EYA1: variants seen among roughly 807,000 people sequenced by gnomAD.
EYA1 encodes EYA transcriptional coactivator and phosphatase 1.
In EYA1, 16 loss-of-function variants were observed where a neutral mutation model predicts 82.0. That is an observed-to-expected ratio of 0.20 (90% confidence interval 0.13 to 0.30). EYA1 has a LOEUF of 0.30. Among genes scored for constraint, EYA1 ranks in the 10% least tolerant of loss-of-function variants. EYA1 has a pLI of 1.00. For synonymous variants in EYA1, 261 were observed against 264.4 expected (o/e 0.99, Z 0.12); for missense variants, 633 against 730.7 (o/e 0.87, Z 1.54).
At chr8:71,364,983 T>TATAC (rs1563538566), upstream of EYA1, among the ~76,000 whole-genome samples, 2 of 87,834 alleles carry the variant, frequency 2.3e-5, no homozygotes, top group African/African-American at 4.3e-5. Flanking sequence ...TATATATATA[T>TATAC]ATACATATAC....
chr8:71,312,051 G>A (rs1016057312), intron 7 of EYA1, among the ~76,000 whole-genome samples: 3 of 152,188 alleles, frequency 2.0e-5, no homozygotes, highest in African/African-American at 4.8e-5. Context: ...CAAAATGGCC[G>A]TAAATTGCCA....
intron 2 of EYA1, among the ~76,000 whole-genome samples, chr8:71,367,443 AG>A (rs1428310191): frequency 6.6e-6 from 1 of 152,134 alleles, no homozygotes; most frequent in African/African-American, 2.4e-5. Context: ...ATTACTACAA[AG>A]GAATTGCCAG....
At chr8:71,532,468 G>A (rs1223891116) in intron 2 of EYA1, among the ~76,000 whole-genome samples, 1 of 152,176 alleles carries the variant, frequency 6.6e-6, no homozygotes, top group East Asian at 1.9e-4. Flanking sequence ...ATGTATCTAT[G>A]TAGTAGAGAA....
chr8:71,438,881 T>A (rs1030566565), intron 2 of EYA1, among the ~76,000 whole-genome samples: 4 of 152,174 alleles, frequency 2.6e-5, no homozygotes, highest in African/African-American at 9.7e-5. Flanking sequence ...AATGTCTTTG[T>A]GGATCTGACA....
At chr8:71,546,598 T>G (rs1199268713) in intron 1 of EYA1, among the ~76,000 whole-genome samples, 1 of 151,568 alleles carries the variant, frequency 6.6e-6, no homozygotes, top group Non-Finnish European at 1.5e-5. Context: ...ACCTCCCTGG[T>G]TCAGACAATT....
chr8:71,219,585 T>C (rs1809631084), intron 12 of EYA1, among the ~76,000 whole-genome samples: 1 of 152,208 alleles, frequency 6.6e-6, no homozygotes, highest in Admixed American at 6.5e-5. Flanking sequence ...AACTTACAAA[T>C]AATGACATAA....
chr8:71,489,570 C>T (rs1350341526), intron 2 of EYA1, among the ~76,000 whole-genome samples: 1 of 152,194 alleles, frequency 6.6e-6, no homozygotes, highest in Non-Finnish European at 1.5e-5. Context: ...TTGGGCCTGG[C>T]CCATGTATGT....
chr8:71,220,373 G>A (rs1019800299), intron 12 of EYA1, among the ~76,000 whole-genome samples: 25 of 152,102 alleles, frequency 1.6e-4, no homozygotes, highest in African/African-American at 5.6e-4. Flanking sequence ...TATTTTATGC[G>A]CTAATCTGTA....
chr8:71,535,820 T>A, exon 2 of EYA1: 1 of 1,375,540 alleles, frequency 7.3e-7, no homozygotes, highest in Non-Finnish European at 9.8e-7. Context: ...AGCTACACAC[T>A]TCTTCAAAGG....
intron 11 of EYA1, among the ~76,000 whole-genome samples, chr8:71,250,606 G>C (rs1381264015): frequency 6.6e-6 from 1 of 152,104 alleles, no homozygotes; most frequent in Non-Finnish European, 1.5e-5. Context: ...TCAAAAAGAG[G>C]GTATCAATCC....
intron 1 of EYA1, among the ~76,000 whole-genome samples, chr8:71,546,564 A>C (rs1815608997): frequency 6.7e-6 from 1 of 149,436 alleles, no homozygotes; most frequent in African/African-American, 2.5e-5. Flanking sequence ...GCAGTGGCGC[A>C]ATCTCGGCTC....
chr8:71,341,433 AG>A (rs1825115500), intron 3 of EYA1, among the ~76,000 whole-genome samples: 1 of 152,222 alleles, frequency 6.6e-6, no homozygotes, highest in Admixed American at 6.5e-5. Flanking sequence ...TGATTTAAAA[AG>A]GGGCAGCAAG....
At chr8:71,480,028 TG>T (rs1168272264) in intron 2 of EYA1, among the ~76,000 whole-genome samples, 4 of 152,182 alleles carry the variant, frequency 2.6e-5, no homozygotes, top group Non-Finnish European at 5.9e-5. Flanking sequence ...GTGATACATG[TG>T]GTCACTTAAA....
At chr8:71,378,489 C>T (rs1412036265) in intron 2 of EYA1, among the ~76,000 whole-genome samples, 1 of 152,074 alleles carries the variant, frequency 6.6e-6, no homozygotes, top group African/African-American at 2.4e-5. Context: ...TAATAAAAAA[C>T]CAGTAATCTT....
chr8:71,255,263 T>C (rs1384713949), intron 11 of EYA1, among the ~76,000 whole-genome samples: 2 of 152,204 alleles, frequency 1.3e-5, no homozygotes, highest in Non-Finnish European at 1.5e-5. Context: ...GAAGTTTATA[T>C]GAAATCTCAA....
intron 12 of EYA1, among the ~76,000 whole-genome samples, chr8:71,226,765 T>A (rs565732945): frequency 5.3e-5 from 8 of 151,710 alleles, no homozygotes; most frequent in East Asian, 3.9e-4. Context: ...TTTGCTTTTT[T>A]AAAAGTATAC....
intron 11 of EYA1, among the ~76,000 whole-genome samples, chr8:71,252,671 C>T (rs1391019495): frequency 6.6e-6 from 1 of 152,118 alleles, no homozygotes; most frequent in East Asian, 1.9e-4. Flanking sequence ...CTCTAGGAAG[C>T]TGGCAAAAGG....
upstream of EYA1, among the ~76,000 whole-genome samples, chr8:71,363,389 T>G (rs1827556357): frequency 6.6e-6 from 1 of 152,146 alleles, no homozygotes; most frequent in East Asian, 1.9e-4. Flanking sequence ...ACCGAAAGTA[T>G]GCCAATCTGA....
chr8:71,347,237 AGTAACACATT>A (rs1825827064), intron 3 of EYA1, among the ~76,000 whole-genome samples: 1 of 152,234 alleles, frequency 6.6e-6, no homozygotes, highest in Non-Finnish European at 1.5e-5. Context: ...TCTGCAACAC[AGTAACACATT>A]GTATTCACAG....
Sources: allele counts gnomAD v4.1 joint callset (sites outside exome capture counted in the v4.1 genomes callset), GRCh38; gene constraint gnomAD v4.1.1; transcripts MANE v1.5; gene names NCBI Gene and HGNC (gene_info 2026-07-23, HGNC 2026-07-21).